The following MDH1B variants were observed in gnomAD, a reference collection of about 807,000 sequenced individuals.
MDH1B encodes putative malate dehydrogenase 1B.
MDH1B carries 60 observed loss-of-function variants against 61.4 expected under a neutral mutation model. The ratio of observed to expected loss-of-function variants is 0.98; its 90% CI spans 0.79 to 1.21. MDH1B has a LOEUF of 1.21. Ranked by LOEUF, MDH1B falls within the 50% of genes most tolerant of loss-of-function variation. MDH1B has a pLI of 0.00. For synonymous variants in MDH1B, 236 were observed against 218.7 expected (o/e 1.08, Z -0.70); for missense variants, 587 against 632.1 (o/e 0.93, Z 0.76).
chr2:206,741,294 T>C (rs1048110528), intron 9 of MDH1B, 190 bp from the exon 10 acceptor site: 5 of 739,576 alleles, frequency 6.8e-6, no homozygotes, highest in East Asian at 2.8e-5. Flanking sequence ...ATACATGAAA[T>C]AATACTTATC....
At chr2:206,739,072 A>G (rs1045639983) in intron 11 of MDH1B, among the ~76,000 whole-genome samples, 2 of 152,088 alleles carry the variant, frequency 1.3e-5, no homozygotes, top group African/African-American at 4.8e-5. Context: ...TTCCTTACTT[A>G]TTCATCTTGA....
Position 206,740,686 on chromosome 2 carries a change from C to T in MDH1B, c.1459+368G>A, listed in dbSNP as rs113861341. ...AAGGAGAATTCTAACTTGGTTCTCT[C>T]GGTCTTTTCCTCTCACCTGTGTTCT... On this transcript the variant is annotated intron_variant, in intron 10 of 11. Coordinates refer to ENST00000374412, the MANE Select transcript of MDH1B (RefSeq NM_001039845.3). 8.3e-3 allele frequency among the ~76,000 whole-genome samples: 1,270 copies of T among 152,238 alleles called. 7 individuals carry two copies. The highest frequency in any genetic ancestry group is 0.014 in the Non-Finnish European group (982 of 68,028).
chr2:206,746,175 A>T, intron 8 of MDH1B, 112 bp downstream of exon 8: 1 of 911,274 alleles, frequency 1.1e-6, no homozygotes, highest in Non-Finnish European at 1.6e-6. Flanking sequence ...ATTATTTTTA[A>T]GAATTAAAAA....
At chr2:206,752,071 G>A (rs1688481592) in intron 5 of MDH1B, among the ~76,000 whole-genome samples, 1 of 152,158 alleles carries the variant, frequency 6.6e-6, no homozygotes, top group Non-Finnish European at 1.5e-5. Flanking sequence ...CAGCAGCTCA[G>A]AGATGTGATT....
At chr2:206,747,124 T>C (rs533431504) in intron 7 of MDH1B, among the ~76,000 whole-genome samples, 1 of 150,016 alleles carries the variant, frequency 6.7e-6, no homozygotes, top group East Asian at 2.0e-4. Flanking sequence ...AAATTATTTC[T>C]GCCATACTAG....
intron 9 of MDH1B, among the ~76,000 whole-genome samples, chr2:206,743,855 T>C (rs1051895134): frequency 8.5e-5 from 13 of 152,148 alleles, no homozygotes; most frequent in African/African-American, 3.1e-4. Flanking sequence ...CCAAAGCCAA[T>C]CAGATTCATC....
Position 206,765,221 on chromosome 2 carries a change from A to G in MDH1B, c.22+29T>C. 1.9e-6 allele frequency: 3 copies of G among 1,600,304 alleles called. No homozygotes were observed. In the South Asian group the frequency reaches 3.3e-5, roughly 18 times the overall value. On this transcript the variant is annotated intron_variant, in intron 1 of 11. Coordinates refer to ENST00000374412, the MANE Select transcript of MDH1B (RefSeq NM_001039845.3). ...TGAGCTGTTGTCGGCGTTTTGAGCA[A>G]TCTGCGGGCGGACGCGGGGATCACT... is the stretch of plus-strand genomic sequence containing the variant.
Position 206,763,239 on chromosome 2 carries a change from C to T in MDH1B, c.22+2011G>A, listed in dbSNP as rs114679185. ...ATCCAGAGTATTAAACCTACTCATC[C>T]GCTTTTTTTTTTTTTTCAGTGACTC... On this transcript the variant is annotated intron_variant, in intron 1 of 11. Coordinates refer to ENST00000374412, the MANE Select transcript of MDH1B (RefSeq NM_001039845.3). 3.6e-3 allele frequency among the ~76,000 whole-genome samples: 499 copies of T among 138,680 alleles called. 3 individuals are homozygous for T. Among genetic ancestry groups the T allele is most frequent in the South Asian group, 3.6e-3 (14 of 3,866 alleles). The allele number at this position is 138,680 out of a possible 152,430, so 91.0% of individuals were successfully genotyped here.
At position 206,749,172 on chromosome 2, in the gene MDH1B, T is replaced by G; in HGVS notation, c.1064A>C (p.Lys355Thr). The change falls in exon 7 of 12, where the codon AAA becomes ACA. Residue 355 changes from lysine (K) to threonine (T), a missense_variant. Lys to Thr is a moderately conservative substitution (Grantham distance 78). Transcript: ENST00000374412. ...TTTAAGAATTGCCACAAATTCTCTT[T>G]TTACCCACTCACTGTAAGGAGAGAA... is the stretch of plus-strand genomic sequence containing the variant. ...LNLIFDSEWVKREFVAILKNL... is the reference protein window; with the variant it reads ...LNLIFDSEWVTREFVAILKNL... 6.2e-7 allele frequency: 1 copy of G among 1,614,028 alleles called. No individual in the cohort carries two copies. The highest frequency in any genetic ancestry group is 8.5e-7 in the Non-Finnish European group (1 of 1,179,950).
intron 11 of MDH1B, 60 bp downstream of exon 11, chr2:206,739,533 A>G: frequency 1.4e-6 from 2 of 1,450,382 alleles, no homozygotes; most frequent in Non-Finnish European, 1.9e-6. Flanking sequence ...TTGATCCTCT[A>G]TTACCCAGTT....
At chr2:206,750,284 A>G (rs1688353980) in intron 6 of MDH1B, among the ~76,000 whole-genome samples, 2 of 151,042 alleles carry the variant, frequency 1.3e-5, no homozygotes, top group African/African-American at 4.9e-5. Context: ...ATTGGGAGTA[A>G]TCCATTTTAT....
In MDH1B at chr2:206,764,056, T is replaced by C. The variant is rs185350458; in HGVS notation, c.22+1194A>G. Among the ~76,000 whole-genome samples, 38 of 152,232 alleles carry C rather than the reference T, an allele frequency of 2.5e-4. No individual in the cohort carries two copies. In the East Asian group the frequency reaches 7.3e-3, roughly 29 times the overall value. Reference sequence around the variant, plus strand: ...GTGCATGCCTGTAATCTTGGCACTTTGGGAGGTCAAGGTGGGCAAATCACT... The same window carrying C: ...GTGCATGCCTGTAATCTTGGCACTTCGGGAGGTCAAGGTGGGCAAATCACT... On this transcript the variant is annotated intron_variant, in intron 1 of 11. Coordinates refer to ENST00000374412, the MANE Select transcript of MDH1B (RefSeq NM_001039845.3).
intron 11 of MDH1B, 108 bp downstream of exon 11, chr2:206,739,485 G>T: frequency 1.0e-6 from 1 of 967,892 alleles, no homozygotes; most frequent in Non-Finnish European, 1.6e-6. Flanking sequence ...AATGTGGGAA[G>T]TGGGGAGGGT....
intron 10 of MDH1B, among the ~76,000 whole-genome samples, chr2:206,740,778 G>A (rs1238135731): frequency 6.6e-6 from 1 of 152,168 alleles, no homozygotes; most frequent in East Asian, 1.9e-4. Flanking sequence ...GAAGAAAAGG[G>A]AAAGGTGAGA....
intron 11 of MDH1B, among the ~76,000 whole-genome samples, chr2:206,738,940 T>G (rs1341637577): frequency 5.3e-5 from 8 of 152,158 alleles, no homozygotes; most frequent in Non-Finnish European, 1.0e-4. Context: ...GACATTTAAA[T>G]AAAAGGGTGG....
chr2:206,744,922 CTAAATAAATAAA>C (rs201554464), intron 9 of MDH1B, among the ~76,000 whole-genome samples: 5 of 150,372 alleles, frequency 3.3e-5, no homozygotes, highest in Non-Finnish European at 1.5e-5. Flanking sequence ...AAGACTCTGT[CTAAATAAATAAA>C]TAAATAAATA....
intron 7 of MDH1B, among the ~76,000 whole-genome samples, chr2:206,747,202 T>C (rs1408610356): frequency 6.6e-6 from 1 of 152,074 alleles, no homozygotes; most frequent in Non-Finnish European, 1.5e-5. Flanking sequence ...ATTGAGGACA[T>C]TCGAGAAACC....
chr2:206,749,193 GAGAA>G lies in MDH1B; in HGVS notation c.1053-14_1053-11del. 2 of 1,612,652 alleles carry G rather than the reference GAGAA, an allele frequency of 1.2e-6. No homozygotes were observed. The highest frequency in any genetic ancestry group is 1.7e-6 in the Non-Finnish European group (2 of 1,179,214). The stretch of plus-strand genomic sequence containing the variant: ...TCTTTTTACCCACTCACTGTAAGGA[GAGAA>G]AGAAACAATTTTACAATGGAGAGAG... On this transcript the variant is annotated splice_polypyrimidine_tract_variant and intron_variant, in intron 6 of 11. Transcript: ENST00000374412.
intron 8 of MDH1B, 143 bp downstream of exon 8, chr2:206,746,144 T>G: frequency 1.6e-6 from 1 of 621,358 alleles, no homozygotes; most frequent in Non-Finnish European, 2.6e-6. Flanking sequence ...TCACTGATTT[T>G]TTTCAAACTT....
Sources: allele counts gnomAD v4.1 joint callset (sites outside exome capture counted in the v4.1 genomes callset), GRCh38; gene constraint gnomAD v4.1.1; transcripts MANE v1.5; gene names NCBI Gene and HGNC (gene_info 2026-07-23, HGNC 2026-07-21).